Variants in PDE4B observed in about 807,000 individuals in gnomAD.
PDE4B encodes phosphodiesterase 4B.
Under a neutral mutation model 82.2 loss-of-function variants are expected in PDE4B, and 20 were observed. That is an observed-to-expected ratio of 0.24 (90% CI 0.17 to 0.35). The LOEUF (loss-of-function observed/expected upper bound fraction) is 0.35, where lower values mean the gene tolerates loss of function less well. PDE4B is among the 10% of genes least tolerant of loss of function. The probability of loss-of-function intolerance (pLI) is 1.00; values close to 1 mark genes in which losing one functional copy is unlikely to be tolerated. For missense variants in PDE4B, 655 were observed against 907.2 expected, an observed-to-expected ratio of 0.72 and a Z score of 3.57; for synonymous variants, 320 against 318.9, an observed-to-expected ratio of 1.00 and a Z score of -0.04.
chr1:66,317,131 C>G (rs1209917332), intron 7 of PDE4B, among the ~76,000 whole-genome samples: 1 of 152,164 alleles, frequency 6.6e-6, no homozygotes, highest in Non-Finnish European at 1.5e-5. Flanking sequence ...TTTGTCTACC[C>G]ACAGAGGCTG....
intron 3 of PDE4B, among the ~76,000 whole-genome samples, chr1:66,177,778 C>T: frequency 6.6e-6 from 1 of 152,104 alleles, no homozygotes; most frequent in East Asian, 1.9e-4. Flanking sequence ...TTATTGATTT[C>T]CAAGTAAGCC....
At chr1:66,128,170 G>C (rs1012069564) in intron 3 of PDE4B, among the ~76,000 whole-genome samples, 1 of 152,054 alleles carries the variant, frequency 6.6e-6, no homozygotes, top group Admixed American at 6.5e-5. Flanking sequence ...AAGGTGAAAG[G>C]GTTTGTTTCC....
At chr1:66,038,351 G>A (rs545555964) in intron 3 of PDE4B, among the ~76,000 whole-genome samples, 43 of 152,196 alleles carry the variant, frequency 2.8e-4, no homozygotes, top group African/African-American at 9.6e-4. Context: ...GAAGACAACC[G>A]AAGCCATAGA....
At chr1:65,851,812 A>G (rs773296760) in intron 1 of PDE4B, among the ~76,000 whole-genome samples, 2 of 151,956 alleles carry the variant, frequency 1.3e-5, no homozygotes, top group African/African-American at 4.8e-5. Flanking sequence ...GAATAGAAGT[A>G]GTGAGATTGG....
intron 3 of PDE4B, among the ~76,000 whole-genome samples, chr1:66,030,387 C>T (rs1452381557): frequency 6.6e-6 from 1 of 152,094 alleles, no homozygotes; most frequent in African/African-American, 2.4e-5. Context: ...GGGAGAAGCC[C>T]CTCCTCCTTG....
intron 7 of PDE4B, among the ~76,000 whole-genome samples, chr1:66,321,587 GCA>G (rs1311424662): frequency 6.6e-6 from 1 of 152,080 alleles, no homozygotes; most frequent in Non-Finnish European, 1.5e-5. Flanking sequence ...GAGGAGAACT[GCA>G]CTCTCTGCTT....
intron 1 of PDE4B, among the ~76,000 whole-genome samples, chr1:65,911,102 A>G (rs954334730): frequency 2.0e-5 from 3 of 152,216 alleles, no homozygotes; most frequent in African/African-American, 7.2e-5. Context: ...GTAAGTTATC[A>G]TACTCAAAGG....
intron 7 of PDE4B, among the ~76,000 whole-genome samples, chr1:66,295,185 C>A (rs979238550): frequency 2.0e-5 from 3 of 152,082 alleles, no homozygotes; most frequent in African/African-American, 7.2e-5. Context: ...TATCTCCCAG[C>A]AGGAATAAAT....
chr1:66,244,541 C>A (rs181045271), intron 3 of PDE4B, among the ~76,000 whole-genome samples: 65 of 152,176 alleles, frequency 4.3e-4, no homozygotes, highest in Admixed American at 1.4e-3. Context: ...TTCCCTTTGC[C>A]CACACCCCTC....
intron 1 of PDE4B, among the ~76,000 whole-genome samples, chr1:65,819,634 G>A (rs1441816423): frequency 6.6e-6 from 1 of 151,680 alleles, no homozygotes; most frequent in Non-Finnish European, 1.5e-5. Context: ...TGAGTAGCTG[G>A]GACTATAGGC....
intron 3 of PDE4B, chr1:66,050,866 A>C (rs1340324307): frequency 6.6e-6 from 1 of 152,162 alleles, no homozygotes; most frequent in Non-Finnish European, 1.5e-5. Flanking sequence ...CAGACTGAAA[A>C]ATGAGGAAGG....
intron 7 of PDE4B, among the ~76,000 whole-genome samples, chr1:66,317,857 A>G (rs1261899230): frequency 6.6e-6 from 1 of 152,208 alleles, no homozygotes; most frequent in Non-Finnish European, 1.5e-5. Context: ...TGATCACGCC[A>G]TTGTGCTCCA....
In PDE4B at chr1:65,963,723, A is replaced by G. The variant is rs1371704943; in HGVS notation, c.281+44888A>G. 2.0e-5 allele frequency among the ~76,000 whole-genome samples: 3 copies of G among 152,186 alleles called. No homozygotes were observed. The East Asian group carries it at 5.8e-4, about 29-fold the overall frequency. ...ATCAGTGCCTCTCCTTAGTGTGTTC[A>G]CATTGGCCTGAGGCGAGCCCTGTCA... On this transcript the variant is annotated intron_variant, in intron 3 of 16. Coordinates refer to ENST00000341517, the MANE Select transcript of PDE4B (RefSeq NM_002600.4).
At chr1:66,188,095 C>T (rs1245471327) in intron 3 of PDE4B, among the ~76,000 whole-genome samples, 1 of 150,898 alleles carries the variant, frequency 6.6e-6, no homozygotes, top group Non-Finnish European at 1.5e-5. Context: ...GTTATGTACC[C>T]AGTAGTCATT....
At chr1:65,807,270 AATTAT>A (rs1645764641) in intron 1 of PDE4B, among the ~76,000 whole-genome samples, 1 of 152,196 alleles carries the variant, frequency 6.6e-6, no homozygotes, top group African/African-American at 2.4e-5. Flanking sequence ...ACAGATTCAC[AATTAT>A]ATTATACACA....
intron 3 of PDE4B, among the ~76,000 whole-genome samples, chr1:66,039,943 A>G (rs962747116): frequency 2.0e-5 from 3 of 151,996 alleles, no homozygotes; most frequent in African/African-American, 7.2e-5. Context: ...GACAACTGAG[A>G]GAAAAGTCTG....
At chr1:65,903,417 ATG>A (rs973426608) in intron 1 of PDE4B, among the ~76,000 whole-genome samples, 1 of 117,732 alleles carries the variant, frequency 8.5e-6, no homozygotes, top group African/African-American at 2.8e-5. Flanking sequence ...GCACACACAC[ATG>A]CACACACACA....
intron 3 of PDE4B, among the ~76,000 whole-genome samples, chr1:66,078,191 T>G (rs535952445): frequency 1.3e-5 from 2 of 149,406 alleles, no homozygotes; most frequent in Non-Finnish European, 2.9e-5. Context: ...TAAAGCCTCT[T>G]TCTTTCTTTC....
At chr1:66,160,627 A>T (rs1167093813) in intron 3 of PDE4B, among the ~76,000 whole-genome samples, 1 of 151,938 alleles carries the variant, frequency 6.6e-6, no homozygotes. Flanking sequence ...GTTTTTTTTT[A>T]AATGTAGACA....
Sources: allele counts gnomAD v4.1 joint callset (sites outside exome capture counted in the v4.1 genomes callset), GRCh38; gene constraint gnomAD v4.1.1; transcripts MANE v1.5; gene names NCBI Gene and HGNC (gene_info 2026-07-23, HGNC 2026-07-21).